The following RAB11A variants were observed in gnomAD, a reference collection of about 807,000 sequenced individuals.
RAB11A encodes the protein RAB11A, member RAS oncogene family, also known as ras-related protein Rab-11A.
RAB11A carries 9 observed loss-of-function variants against 28.0 expected under a neutral mutation model. The ratio of observed to expected loss-of-function variants is 0.32; its 90% confidence interval spans 0.19 to 0.56. RAB11A has a LOEUF of 0.56. Ranked by LOEUF, RAB11A falls within the 20% of genes least tolerant of loss-of-function variation. The pLI is 0.91. For missense variants in RAB11A, 108 were observed against 269.6 expected, an observed-to-expected ratio of 0.40 and a Z score of 4.20; for synonymous variants, 85 against 88.2, an observed-to-expected ratio of 0.96 and a Z score of 0.20.
chr15:65,879,705 C>T lies in RAB11A; in HGVS notation c.465C>T (p.Ala155=), dbSNP rs773507139. 3 of 1,600,514 alleles carry T rather than the reference C, an allele frequency of 1.9e-6. No homozygotes were observed. Among genetic ancestry groups the T allele is most frequent in the East Asian group, 2.2e-5 (1 of 44,652 alleles). Residue 155 remains alanine, a synonymous_variant, in exon 4 of 5, where the codon GCC becomes GCT. Coordinates refer to ENST00000261890, the MANE Select transcript of RAB11A (RefSeq NM_004663.5). ...KNGLSFIETS[A]LDSTNVEAAF... is the part of the protein sequence containing the mutation. ...GTTTGTCATTCATTGAAACTTCGGC[C>T]CTAGACTCTACAAATGTAGAAGCTG...
intron 4 of RAB11A, among the ~76,000 whole-genome samples, chr15:65,885,704 G>T (rs117931954): frequency 5.0e-4 from 76 of 152,292 alleles, no homozygotes; most frequent in Non-Finnish European, 9.0e-4. Context: ...TCTTGTAGGA[G>T]ATCTAAATAG....
Position 65,887,787 on chromosome 15 carries a change from G to T in RAB11A, c.598G>T (p.Val200Phe). 6.2e-7 allele frequency: 1 copy of T among 1,613,666 alleles called. No homozygotes were observed. Among genetic ancestry groups the T allele is most frequent in the African/African-American group, 1.3e-5 (1 of 75,004 alleles). Residue 200 changes from valine to phenylalanine, a missense_variant, in exon 5 of 5, where the codon GTT (valine) becomes TTT (phenylalanine). Val to Phe is a conservative substitution (Grantham distance 50, BLOSUM62 -1). Coordinates refer to ENST00000261890, the MANE Select transcript of RAB11A (RefSeq NM_004663.5). ...AAGCAACAATGTGGTTCCTATTCAT[G>T]TTCCACCAACCACTGAAAACAAGCC... ...SPSNNVVPIH[V>F]PPTTENKPKV...
intron 4 of RAB11A, 58 bp downstream of exon 4, chr15:65,879,809 T>G: frequency 7.9e-7 from 1 of 1,271,390 alleles, no homozygotes; most frequent in African/African-American, 1.5e-5. Context: ...GAAGGTAATT[T>G]AAACAAACTA....
chr15:65,871,341 T>C (rs75001851), intron 1 of RAB11A, among the ~76,000 whole-genome samples: 1 of 152,180 alleles, frequency 6.6e-6, no homozygotes, highest in Non-Finnish European at 1.5e-5. Flanking sequence ...ATTTTACAAA[T>C]ACAAAACTGA....
intron 3 of RAB11A, 167 bp downstream of exon 3, chr15:65,878,122 A>C (rs117465320): frequency 1.4e-6 from 1 of 726,158 alleles, no homozygotes; most frequent in South Asian, 1.5e-5. Flanking sequence ...GCTTTGAGTC[A>C]TTAAAACACT....
Position 65,888,414 on chromosome 15 carries a change from A to G in RAB11A, c.*574A>G, listed in dbSNP as rs1329868997. On this transcript the variant is annotated 3_prime_UTR_variant, in exon 5 of 5. Transcript: ENST00000261890. ...TTGTTTTTTAATTTTTGTAAGCATC[A>G]AAGTTGATTAGAGAGGGGGGCACTT... The G allele has an allele frequency of 1.3e-5, 2 of 152,650 alleles. No individual in the cohort carries two copies. The highest frequency in any genetic ancestry group is 2.1e-4 in the South Asian group (1 of 4,816). 9.5% of individuals were successfully genotyped at this position (152,650 alleles called of 1,614,324 possible). A position where few individuals can be genotyped will look rare whatever the true frequency, so the allele number is the denominator to read the frequency against.
rs2078196378 is a variant in RAB11A at position 65,877,262 on chromosome 15, G to A, written c.41-70G>A. 5 of 1,296,236 alleles carry A rather than the reference G, an allele frequency of 3.9e-6. No individual in the cohort carries two copies. Among genetic ancestry groups the A allele is most frequent in the East Asian group, 2.5e-5 (1 of 40,360 alleles). 80.3% of individuals were successfully genotyped at this position (1,296,236 alleles called of 1,614,324 possible). On this transcript the variant is annotated intron_variant, in intron 1 of 4. Coordinates refer to ENST00000261890, the MANE Select transcript of RAB11A (RefSeq NM_004663.5). The surrounding 1 kb of genome is among the most constrained non-coding windows in gnomAD (Gnocchi z 4.1). ...TTACTCTGAAGCCAAACTTCATTCTGTTGAAAGCATAGTGGTGTTCTGAAT... is the reference window on the plus strand; with the variant it reads ...TTACTCTGAAGCCAAACTTCATTCTATTGAAAGCATAGTGGTGTTCTGAAT...
chr15:65,872,814 G>A (rs542771517), intron 1 of RAB11A, among the ~76,000 whole-genome samples: 5 of 152,150 alleles, frequency 3.3e-5, no homozygotes, highest in African/African-American at 1.2e-4. Flanking sequence ...TGATTATTTA[G>A]CCAATTTCTT....
chr15:65,878,858 G>A (rs1052184645), intron 3 of RAB11A, among the ~76,000 whole-genome samples: 1 of 152,218 alleles, frequency 6.6e-6, no homozygotes, highest in Admixed American at 6.5e-5. Flanking sequence ...GGAGAGGATA[G>A]CAAGAGATGG....
intron 4 of RAB11A, among the ~76,000 whole-genome samples, chr15:65,883,196 G>A (rs935733069): frequency 6.6e-6 from 1 of 152,206 alleles, no homozygotes; most frequent in Non-Finnish European, 1.5e-5. Flanking sequence ...GATTTTGCCA[G>A]TTGTTCCAAT....
Position 65,890,566 on chromosome 15 carries a change from G to T in RAB11A, c.*2726G>T, listed in dbSNP as rs2078286095. 1 of 152,160 alleles carries T rather than the reference G, an allele frequency of 6.6e-6. No individual in the cohort carries two copies. Among genetic ancestry groups the T allele is most frequent in the Non-Finnish European group, 1.5e-5 (1 of 68,022 alleles). 9.4% of individuals were successfully genotyped at this position (152,160 alleles called of 1,614,324 possible). A position where few individuals can be genotyped will look rare whatever the true frequency, so the allele number is the denominator to read the frequency against. ...TCAGTGATCTTTTAAGTTCTGAAGG[G>T]TTCTGCAGAAAAGTTACACTTCTTG... On this transcript the variant is annotated 3_prime_UTR_variant, in exon 5 of 5. Transcript: ENST00000261890.
intron 3 of RAB11A, among the ~76,000 whole-genome samples, chr15:65,878,623 A>T (rs1173080787): frequency 6.6e-6 from 1 of 151,246 alleles, no homozygotes; most frequent in Non-Finnish European, 1.5e-5. Context: ...GCTTGCAGTG[A>T]GCCGAGATAG....
intron 1 of RAB11A, among the ~76,000 whole-genome samples, chr15:65,871,132 G>T (rs1346133097): frequency 1.3e-5 from 2 of 152,124 alleles, no homozygotes; most frequent in Non-Finnish European, 2.9e-5. Context: ...TGGGTGCTAA[G>T]AATGATTGAC....
chr15:65,887,136 G>T (rs2078260534), intron 4 of RAB11A, among the ~76,000 whole-genome samples: 1 of 150,604 alleles, frequency 6.6e-6, no homozygotes. Flanking sequence ...GGTTTACTTT[G>T]AATCTAAGTC....
chr15:65,880,604 A>G (rs1171119864), intron 4 of RAB11A, among the ~76,000 whole-genome samples: 1 of 152,196 alleles, frequency 6.6e-6, no homozygotes, highest in Non-Finnish European at 1.5e-5. Context: ...TATTGTTTGT[A>G]TGCAGCCCCT....
chr15:65,887,762 A>C lies in RAB11A; in HGVS notation c.573A>C (p.Pro191=). The change falls in exon 5 of 5, where the codon CCA becomes CCC. Residue 191 remains proline, a synonymous_variant. Coordinates refer to ENST00000261890, the MANE Select transcript of RAB11A (RefSeq NM_004663.5). ...MSDRRENDMS[P]SNNVVPIHVP... Reference sequence around the variant, plus strand: ...ACAGACGCGAAAATGACATGTCTCCAAGCAACAATGTGGTTCCTATTCATG... The same window carrying C: ...ACAGACGCGAAAATGACATGTCTCCCAGCAACAATGTGGTTCCTATTCATG... The C allele has an allele frequency of 6.2e-7, 1 of 1,613,784 alleles. No individual in the cohort carries two copies. The highest frequency in any genetic ancestry group is 1.3e-5 in the African/African-American group (1 of 75,010).
chr15:65,879,097 G>C (rs2141104609), intron 3 of RAB11A, among the ~76,000 whole-genome samples: 1 of 150,774 alleles, frequency 6.6e-6, no homozygotes, highest in African/African-American at 2.4e-5. Context: ...GGGCTCTAGT[G>C]ATCTTCCACC....
chr15:65,869,518 C>G lies in RAB11A; in HGVS notation c.-68C>G. Reference sequence around the variant, plus strand: ...TTGAAGCTCGGCGCTCGGGTTACCCCTGCAGCGACGCCCCCTGGTCCCACA... The same window carrying G: ...TTGAAGCTCGGCGCTCGGGTTACCCGTGCAGCGACGCCCCCTGGTCCCACA... On this transcript the variant is annotated 5_prime_UTR_variant, in exon 1 of 5. Transcript: ENST00000261890. The G allele has an allele frequency of 1.3e-6, 2 of 1,582,848 alleles. No homozygotes were observed. The highest frequency in any genetic ancestry group is 1.7e-6 in the Non-Finnish European group (2 of 1,165,970).
intron 4 of RAB11A, among the ~76,000 whole-genome samples, chr15:65,880,556 T>G (rs2078215774): frequency 6.6e-6 from 1 of 152,234 alleles, no homozygotes; most frequent in Non-Finnish European, 1.5e-5. Context: ...TACAGAGATA[T>G]GATTGAGTTT....
Sources: allele counts gnomAD v4.1 joint callset (sites outside exome capture counted in the v4.1 genomes callset), GRCh38; gene constraint gnomAD v4.1.1; non-coding constraint Gnocchi (gnomAD v3.1); transcripts MANE v1.5; gene names NCBI Gene and HGNC (gene_info 2026-07-23, HGNC 2026-07-21).